CPNE4: variants seen among roughly 807,000 people sequenced by gnomAD.
The protein encoded by CPNE4 is copine-4.
Under a neutral mutation model 67.9 loss-of-function variants are expected in CPNE4, and 25 were observed. The observed-to-expected ratio is 0.37, with a 90% confidence interval of 0.27 to 0.51. The LOEUF is 0.51. Ranked by LOEUF, CPNE4 falls within the 20% of genes least tolerant of loss-of-function variation. The pLI is 0.93. For synonymous variants in CPNE4, 242 were observed against 244.9 expected (o/e 0.99, Z 0.11); for missense variants, 464 against 690.8 (o/e 0.67, Z 3.68).
chr3:131,859,014 C>G (rs2086567157), intron 2 of CPNE4, among the ~76,000 whole-genome samples: 1 of 152,104 alleles, frequency 6.6e-6, no homozygotes, highest in Non-Finnish European at 1.5e-5. Context: ...GAATCACTGT[C>G]TAACGAAGCT....
chr3:131,942,497 A>G (rs1386463010), intron 1 of CPNE4, among the ~76,000 whole-genome samples: 11 of 132,292 alleles, frequency 8.3e-5, no homozygotes, highest in Non-Finnish European at 4.7e-5. Context: ...AGAGAGAGAG[A>G]GAGAGAGAGA....
At position 131,990,015 on chromosome 3, in the gene CPNE4, G is replaced by A. The variant is rs568050195; in HGVS notation, c.-2+44552C>T. On this transcript the variant is annotated intron_variant, in intron 1 of 15. Transcript: ENST00000429747. Reference sequence around the variant, plus strand: ...GGACTATGGGCATAATGAAAATAATGGATTATTGTGAATTTGTAGCCAAAG... The same window carrying A: ...GGACTATGGGCATAATGAAAATAATAGATTATTGTGAATTTGTAGCCAAAG... Among the ~76,000 whole-genome samples, 3 of 136,096 alleles carry A rather than the reference G, an allele frequency of 2.2e-5. 1 individual carries two copies. The East Asian group carries it at 7.1e-4, about 32-fold the overall frequency. 89.3% of individuals were successfully genotyped at this position (136,096 alleles called of 152,430 possible).
At chr3:131,749,796 T>C (rs2082579580) in intron 2 of CPNE4, among the ~76,000 whole-genome samples, 3 of 152,220 alleles carry the variant, frequency 2.0e-5, no homozygotes, top group African/African-American at 7.2e-5. Context: ...AATATTTGCA[T>C]GATATATCCT....
rs2107655916 is a variant in CPNE4 at position 131,996,611 on chromosome 3, C to T, written c.-2+37956G>A. Among the ~76,000 whole-genome samples, 2 of 151,850 alleles carry T rather than the reference C, an allele frequency of 1.3e-5. 1 individual carries two copies. The highest frequency in any genetic ancestry group is 4.2e-4 in the South Asian group (2 of 4,806). ...AATGCAGTCCAGCACTCATCTGGTC[C>T]CTCCACTTAGATATCATCTAGTTGC... On this transcript the variant is annotated intron_variant, in intron 1 of 15. Transcript: ENST00000429747.
chr3:132,034,340 G>A (rs1052026243), intron 1 of CPNE4, among the ~76,000 whole-genome samples: 36 of 152,132 alleles, frequency 2.4e-4, no homozygotes, highest in African/African-American at 8.4e-4. Context: ...CCCCACCTGG[G>A]CGAGTTGGGT....
chr3:131,709,964 CT>C (rs1169432702), intron 3 of CPNE4, among the ~76,000 whole-genome samples: 1 of 152,200 alleles, frequency 6.6e-6, no homozygotes, highest in African/African-American at 2.4e-5. Context: ...TGTGTGCTTT[CT>C]TTCAATGAGA....
intron 1 of CPNE4, among the ~76,000 whole-genome samples, chr3:131,952,245 C>A (rs1271800460): frequency 2.0e-5 from 3 of 151,482 alleles, no homozygotes; most frequent in Non-Finnish European, 4.4e-5. Context: ...AGCGCCTCTG[C>A]CCGGCCGCGA....
At chr3:131,815,486 C>T (rs941954093) in intron 2 of CPNE4, among the ~76,000 whole-genome samples, 7 of 152,132 alleles carry the variant, frequency 4.6e-5, no homozygotes, top group Non-Finnish European at 1.0e-4. Flanking sequence ...CTCTTGATAA[C>T]ATTTAGAGCA....
chr3:131,743,449 C>T (rs1449723796), intron 2 of CPNE4, among the ~76,000 whole-genome samples: 4 of 151,998 alleles, frequency 2.6e-5, no homozygotes, highest in East Asian at 1.9e-4. Context: ...AATACCAAAA[C>T]CCAAAAAAGT....
intron 12 of CPNE4, among the ~76,000 whole-genome samples, chr3:131,554,559 G>A (rs1205425610): frequency 1.3e-5 from 2 of 152,036 alleles, no homozygotes; most frequent in Non-Finnish European, 2.9e-5. Context: ...AACAGGTCAG[G>A]GAGACAAGCG....
At chr3:131,923,704 C>CAAAAAAAAAAAAAAA (rs3041574) in intron 1 of CPNE4, among the ~76,000 whole-genome samples, 1 of 39,288 alleles carries the variant, frequency 2.5e-5, no homozygotes, top group East Asian at 1.1e-3. Flanking sequence ...GACTCCGTCT[C>CAAAAAAAAAAAAAAA]AAAAAAAAAA....
At chr3:131,916,638 C>A (rs968891736) in intron 1 of CPNE4, among the ~76,000 whole-genome samples, 1 of 152,128 alleles carries the variant, frequency 6.6e-6, no homozygotes, top group African/African-American at 2.4e-5. Flanking sequence ...ATAAAGAGCA[C>A]AATCTCTAGT....
chr3:132,002,597 TGA>T lies in CPNE4; in HGVS notation c.-2+31968_-2+31969del, dbSNP rs1426655889. 9.2e-5 allele frequency among the ~76,000 whole-genome samples: 14 copies of T among 152,142 alleles called. No homozygotes were observed. The East Asian group carries it at 2.5e-3, about 27-fold the overall frequency. On this transcript the variant is annotated intron_variant, in intron 1 of 15. Coordinates refer to ENST00000429747, the MANE Select transcript of CPNE4 (RefSeq NM_130808.3). ...TTGTCCTCAGGAAGTTTGCAGTTTG[TGA>T]AAATATGACGCAGGATTTATGTGAG...
At chr3:131,800,390 C>A (rs1315180287) in intron 2 of CPNE4, among the ~76,000 whole-genome samples, 1 of 152,108 alleles carries the variant, frequency 6.6e-6, no homozygotes, top group African/African-American at 2.4e-5. Flanking sequence ...AGCTTAGAAA[C>A]CTATATATTC....
intron 2 of CPNE4, among the ~76,000 whole-genome samples, chr3:131,861,169 T>C (rs1159116859): frequency 1.3e-5 from 2 of 152,182 alleles, no homozygotes; most frequent in South Asian, 4.1e-4. Context: ...ATTGAAGACA[T>C]TGTTATAGGC....
intron 1 of CPNE4, among the ~76,000 whole-genome samples, chr3:131,910,348 G>A (rs906248757): frequency 9.2e-5 from 14 of 152,140 alleles, no homozygotes; most frequent in Non-Finnish European, 1.9e-4. Flanking sequence ...ACTGGCCTTA[G>A]TAACAACACT....
At chr3:131,996,520 T>A (rs1221476528) in intron 1 of CPNE4, among the ~76,000 whole-genome samples, 2 of 146,496 alleles carry the variant, frequency 1.4e-5, no homozygotes, top group African/African-American at 5.1e-5. Context: ...GGAGAGAGAG[T>A]CCACGATAGG....
intron 11 of CPNE4, among the ~76,000 whole-genome samples, chr3:131,563,030 C>G (rs912492755): frequency 2.6e-5 from 4 of 151,994 alleles, no homozygotes; most frequent in African/African-American, 7.2e-5. Flanking sequence ...CAAGCTGAAT[C>G]CAGAGACACA....
intron 14 of CPNE4, among the ~76,000 whole-genome samples, chr3:131,546,270 T>C (rs1935830743): frequency 6.6e-6 from 1 of 152,160 alleles, no homozygotes; most frequent in African/African-American, 2.4e-5. Flanking sequence ...CGAAACCTGA[T>C]AGAAATTTCC....
Sources: gnomAD v4.1 joint callset for allele counts (sites outside exome capture counted in the v4.1 genomes callset) on GRCh38, gnomAD v4.1.1 for gene constraint, MANE v1.5 for transcripts, NCBI Gene and HGNC (gene_info 2026-07-23, HGNC 2026-07-21) for gene names.